Variants in BLTP3B observed in about 807,000 individuals in gnomAD.
BLTP3B encodes the protein UHRF1 (ICBP90) binding protein 1-like.
At chr12:100,086,003 A>G in the BLTP3B span, among the ~76,000 whole-genome samples, 1 of 151,344 alleles carries the variant, frequency 6.6e-6, no homozygotes, top group East Asian at 1.9e-4. Flanking sequence ...CTGTACCCTG[A>G]TTTTTTTTTA....
the BLTP3B span, chr12:100,057,761 A>G: frequency 1.3e-6 from 2 of 1,573,976 alleles, no homozygotes; most frequent in Non-Finnish European, 8.6e-7. Flanking sequence ...TAACAAAATT[A>G]TTAGAAAATT....
the BLTP3B span, among the ~76,000 whole-genome samples, chr12:100,086,789 C>T: frequency 6.6e-6 from 1 of 152,208 alleles, no homozygotes; most frequent in Non-Finnish European, 1.5e-5. Flanking sequence ...CAAGGACATA[C>T]AGCTAGTTAA....
chr12:100,048,229 G>T, the BLTP3B span: 1 of 1,543,166 alleles, frequency 6.5e-7, no homozygotes, highest in African/African-American at 1.4e-5. Context: ...AATGTTTGTA[G>T]CATTATTCAA....
the BLTP3B span, among the ~76,000 whole-genome samples, chr12:100,068,099 T>C: frequency 6.6e-6 from 1 of 152,120 alleles, no homozygotes; most frequent in Non-Finnish European, 1.5e-5. Flanking sequence ...TTTCAAACTA[T>C]ACTATAAGGC....
the BLTP3B span, among the ~76,000 whole-genome samples, chr12:100,105,912 T>C: frequency 1.3e-5 from 2 of 152,208 alleles, no homozygotes; most frequent in African/African-American, 2.4e-5. Flanking sequence ...ACAGACATTT[T>C]GCAAAAGAAG....
At chr12:100,095,921 G>A in the BLTP3B span, 15 of 1,214,358 alleles carry the variant, frequency 1.2e-5, no homozygotes, top group Admixed American at 3.3e-5. Flanking sequence ...TTTTCAAAAC[G>A]TTTTTGAATA....
At chr12:100,093,327 G>C in the BLTP3B span, among the ~76,000 whole-genome samples, 1 of 152,030 alleles carries the variant, frequency 6.6e-6, no homozygotes, top group Admixed American at 6.6e-5. Flanking sequence ...CACATAAATA[G>C]ACAGATTGGA....
chr12:100,072,602 C>T, the BLTP3B span: 1 of 1,280,550 alleles, frequency 7.8e-7, no homozygotes, highest in Non-Finnish European at 1.0e-6. Flanking sequence ...ATTTATAAAA[C>T]TCAAAAATAT....
At chr12:100,038,299 C>T in the BLTP3B span, among the ~76,000 whole-genome samples, 89 of 152,234 alleles carry the variant, frequency 5.8e-4, 2 homozygotes, top group South Asian at 0.018. Flanking sequence ...AAACCTCTCT[C>T]CTGAGCTCCA....
the BLTP3B span, among the ~76,000 whole-genome samples, chr12:100,066,512 G>A: frequency 7.2e-5 from 11 of 151,998 alleles, no homozygotes; most frequent in East Asian, 3.9e-4. Flanking sequence ...ACTATACTCC[G>A]GCCGGGCGTG....
chr12:100,062,231 A>G, the BLTP3B span, among the ~76,000 whole-genome samples: 1 of 152,246 alleles, frequency 6.6e-6, no homozygotes, highest in African/African-American at 2.4e-5. Flanking sequence ...TAGCAGCCCT[A>G]ACAAATGAAT....
the BLTP3B span, among the ~76,000 whole-genome samples, chr12:100,111,012 C>G: frequency 6.6e-6 from 1 of 151,846 alleles, no homozygotes; most frequent in African/African-American, 2.4e-5. Flanking sequence ...TGGGTATGTA[C>G]AAGAATGTTC....
chr12:100,084,105 C>G, the BLTP3B span, among the ~76,000 whole-genome samples: 4 of 151,872 alleles, frequency 2.6e-5, no homozygotes, highest in Non-Finnish European at 4.4e-5. Context: ...AGGAGAATCG[C>G]TTGAACCCGG....
chr12:100,085,346 CAA>C, the BLTP3B span, among the ~76,000 whole-genome samples: 10 of 114,728 alleles, frequency 8.7e-5, no homozygotes, highest in Non-Finnish European at 9.5e-5. Flanking sequence ...GGCCTTGGAT[CAA>C]AAAAAAAAAA....
chr12:100,074,906 C>T, the BLTP3B span, among the ~76,000 whole-genome samples: 1 of 152,120 alleles, frequency 6.6e-6, no homozygotes, highest in South Asian at 2.1e-4. Context: ...TGATCTTTGA[C>T]AAATTCAACA....
At chr12:100,098,629 T>C in the BLTP3B span, 2 of 1,387,568 alleles carry the variant, frequency 1.4e-6, no homozygotes, top group Admixed American at 2.3e-5. Flanking sequence ...TGGTTGGGGA[T>C]GGTGGCTCAT....
the BLTP3B span, chr12:100,142,678 C>G: frequency 1.0e-5 from 16 of 1,591,078 alleles, no homozygotes; most frequent in South Asian, 1.7e-4. Flanking sequence ...CTGTTGCTCA[C>G]TGCCTCCTCT....
the BLTP3B span, chr12:100,103,846 T>C: frequency 7.7e-7 from 1 of 1,291,322 alleles, no homozygotes; most frequent in Non-Finnish European, 1.0e-6. Context: ...AAAAGATTAC[T>C]ATGAACAGAG....
At chr12:100,092,976 GT>G in the BLTP3B span, 1 of 985,022 alleles carries the variant, frequency 1.0e-6, no homozygotes. Flanking sequence ...TCATTCTAAA[GT>G]TCTGAACTTT....
Sources: gnomAD v4.1 joint callset for allele counts (sites outside exome capture counted in the v4.1 genomes callset) on GRCh38, gnomAD v4.1.1 for gene constraint, MANE v1.5 for transcripts, NCBI Gene and HGNC (gene_info 2026-07-23, HGNC 2026-07-21) for gene names.